PPP1R37: variants seen among roughly 807,000 people sequenced by gnomAD.
The protein encoded by PPP1R37 is leucine rich repeat containing 68.
A neutral mutation model predicts 61.0 loss-of-function variants in PPP1R37; 21 were observed. That is an observed-to-expected ratio of 0.34 (90% CI 0.24 to 0.50). The LOEUF is 0.50. Among genes scored for constraint, PPP1R37 ranks in the 20% least tolerant of loss-of-function variants. The pLI is 0.98. For synonymous variants in PPP1R37, 443 were observed against 433.5 expected (o/e 1.02, Z -0.27); for missense variants, 910 against 952.7 (o/e 0.96, Z 0.59).
intron 1 of PPP1R37, among the ~76,000 whole-genome samples, chr19:45,100,497 C>T (rs1366645594): frequency 6.6e-6 from 1 of 152,104 alleles, no homozygotes; most frequent in South Asian, 2.1e-4. Context: ...CCGTTTGCCC[C>T]AATTTGTAGA....
chr19:45,109,516 C>G (rs10412988), intron 1 of PPP1R37, among the ~76,000 whole-genome samples: 24,675 of 152,216 alleles, frequency 0.16, 2,180 homozygotes, highest in African/African-American at 0.2. Flanking sequence ...TTGCTGAGCA[C>G]CAGGCTGAGT....
chr19:45,145,597 AG>A lies in PPP1R37; in HGVS notation c.1543del (p.Glu515LysfsTer57). ...DSDSDSDSDG[E>X]EEEEEEGERD... is the part of the protein sequence containing the mutation. ...GACTCAGACTCGGACTCGGATGGGG[AG>A]GAAGAGGAGGAAGAGGAAGGGGAGA... On this transcript the variant is annotated frameshift_variant, in exon 11 of 13. Coordinates refer to ENST00000221462, the MANE Select transcript of PPP1R37 (RefSeq NM_019121.2). LOFTEE classifies it high-confidence loss of function. The A allele has an allele frequency of 6.5e-7, 1 of 1,535,378 alleles. No homozygotes were observed. The highest frequency in any genetic ancestry group is 8.7e-7 in the Non-Finnish European group (1 of 1,146,650).
At chr19:45,128,522 G>A in intron 1 of PPP1R37, 1 of 1,093,446 alleles carries the variant, frequency 9.1e-7, no homozygotes, top group Non-Finnish European at 1.3e-6. Flanking sequence ...GAGAAGACAA[G>A]GTTGAGTCAG....
In PPP1R37 at chr19:45,106,389, G is replaced by GCC. The variant is rs1330557797; in HGVS notation, c.202+12863_202+12864insCC. On this transcript the variant is annotated intron_variant, in intron 1 of 12. Transcript: ENST00000221462. ...CCCAAGTAGCTGGGATTATAGGCAT[G>GCC]CGCCACCATGCCCAGCTAATTTTTT... 3.3e-5 allele frequency among the ~76,000 whole-genome samples: 5 copies of GCC among 151,828 alleles called. No homozygotes were observed. In the East Asian group the frequency reaches 9.7e-4, roughly 29 times the overall value.
intron 1 of PPP1R37, among the ~76,000 whole-genome samples, chr19:45,108,069 A>T (rs1968155355): frequency 6.6e-6 from 1 of 152,170 alleles, no homozygotes; most frequent in Non-Finnish European, 1.5e-5. Flanking sequence ...GGTCAAAGGG[A>T]AGGAACATTG....
chr19:45,097,074 G>A (rs1968002098), intron 1 of PPP1R37, among the ~76,000 whole-genome samples: 1 of 152,048 alleles, frequency 6.6e-6, no homozygotes, highest in African/African-American at 2.4e-5. Context: ...GAGGTGGAGG[G>A]TTCGCCAGGG....
chr19:45,147,021 C>A lies in PPP1R37; in HGVS notation c.*459C>A. ...CAGAACAGCCCCAGACAGCGCAGGC[C>A]GGGCAGGGTGGGGGGATGGGAGCAG... On this transcript the variant is annotated 3_prime_UTR_variant, in exon 13 of 13. Transcript: ENST00000221462. The A allele has an allele frequency of 6.5e-6, 1 of 153,776 alleles. No homozygotes were observed. Among genetic ancestry groups the A allele is most frequent in the Non-Finnish European group, 1.4e-5 (1 of 69,306 alleles). 9.5% of individuals were successfully genotyped at this position (153,776 alleles called of 1,614,324 possible). A position where few individuals can be genotyped will look rare whatever the true frequency, so the allele number is the denominator to read the frequency against.
chr19:45,133,656 G>A (rs767002748), intron 1 of PPP1R37, among the ~76,000 whole-genome samples: 1 of 152,242 alleles, frequency 6.6e-6, no homozygotes, highest in Non-Finnish European at 1.5e-5. Context: ...TAGGGGTCCT[G>A]TGGCTATGCT....
chr19:45,097,266 TC>T (rs1968004332), intron 1 of PPP1R37, among the ~76,000 whole-genome samples: 1 of 151,366 alleles, frequency 6.6e-6, no homozygotes, highest in Non-Finnish European at 1.5e-5. Context: ...GAGCTGTGGA[TC>T]TAGTGGAAGG....
intron 1 of PPP1R37, among the ~76,000 whole-genome samples, chr19:45,107,509 TG>T (rs1968147571): frequency 6.6e-6 from 1 of 152,136 alleles, no homozygotes; most frequent in African/African-American, 2.4e-5. Flanking sequence ...GAGGCTAATG[TG>T]GGAGGATTGC....
In PPP1R37 at chr19:45,122,976, A is replaced by G. The variant is rs375065018; in HGVS notation, c.203-15538A>G. 1.2e-4 allele frequency among the ~76,000 whole-genome samples: 18 copies of G among 152,224 alleles called. No individual in the cohort carries two copies. The East Asian group carries it at 1.5e-3, about 13-fold the overall frequency. On this transcript the variant is annotated intron_variant, in intron 1 of 12. Coordinates refer to ENST00000221462, the MANE Select transcript of PPP1R37 (RefSeq NM_019121.2). ...GCATCAGGCAGCCTCCTGCACCTGCACTTTCTTCACAAAGTTCCCTCTGCC... is the reference window on the plus strand; with the variant it reads ...GCATCAGGCAGCCTCCTGCACCTGCGCTTTCTTCACAAAGTTCCCTCTGCC...
At position 45,146,792 on chromosome 19, in the gene PPP1R37, T is replaced by G. The variant is rs753112486; in HGVS notation, c.*230T>G. ...TTATGAGCCCAGCACTGGAAGACTC[T>G]GGGGGTGAATGGGAGGAGGGGGAGC... is the stretch of plus-strand genomic sequence containing the variant. On this transcript the variant is annotated 3_prime_UTR_variant, in exon 13 of 13. Transcript: ENST00000221462. 71 of 254,650 alleles carry G rather than the reference T, an allele frequency of 2.8e-4. No homozygotes were observed. The highest frequency in any genetic ancestry group is 2.1e-3 in the Admixed American group (41 of 19,826). 15.8% of individuals were successfully genotyped at this position (254,650 alleles called of 1,614,324 possible).
In PPP1R37 at chr19:45,145,820, C is replaced by G. The variant is rs1184859570; in HGVS notation, c.1764C>G (p.Thr588=). The change falls in exon 11 of 13, where the codon ACC becomes ACG. Residue 588 remains threonine, a synonymous_variant. Coordinates refer to ENST00000221462, the MANE Select transcript of PPP1R37 (RefSeq NM_019121.2). ...GGGCAGAGCCCCCTGCGTCCCCCAC[C>G]CCTCCCTCTCCCCCACCCCCTCCCT... ...PERAEPPASP[T]PPSPPPPPSP... is the part of the protein sequence containing the mutation. 7.1e-7 allele frequency: 1 copy of G among 1,404,630 alleles called. No individual in the cohort carries two copies. Among genetic ancestry groups the G allele is most frequent in the Non-Finnish European group, 9.4e-7 (1 of 1,066,896 alleles). 87.0% of individuals were successfully genotyped at this position (1,404,630 alleles called of 1,614,324 possible).
Position 45,100,954 on chromosome 19 carries a change from A to G in PPP1R37, c.202+7427A>G, listed in dbSNP as rs144990525. Among the ~76,000 whole-genome samples, 6 of 152,284 alleles carry G rather than the reference A, an allele frequency of 3.9e-5. No individual in the cohort carries two copies. The East Asian group carries it at 1.2e-3, about 29-fold the overall frequency. Reference sequence around the variant, plus strand: ...GTCTGGTATGTGATAGGCGCTCAATATATTCTTGCTGCGTGAGTGACTTGG... The same window carrying G: ...GTCTGGTATGTGATAGGCGCTCAATGTATTCTTGCTGCGTGAGTGACTTGG... On this transcript the variant is annotated intron_variant, in intron 1 of 12. Coordinates refer to ENST00000221462, the MANE Select transcript of PPP1R37 (RefSeq NM_019121.2).
intron 7 of PPP1R37, chr19:45,143,241 G>T: frequency 2.7e-6 from 1 of 368,302 alleles, no homozygotes. Context: ...TGGTGACTGT[G>T]GGTGGGAGTG....
At position 45,145,812 on chromosome 19, in the gene PPP1R37, T is replaced by TGGGGCG; in HGVS notation, c.1756_1757insGGGGCG (p.Ser586delinsTrpGlyAla). 8.1e-7 allele frequency: 1 copy of TGGGGCG among 1,227,588 alleles called. No individual in the cohort carries two copies. Among genetic ancestry groups the TGGGGCG allele is most frequent in the Non-Finnish European group, 1.1e-6 (1 of 922,068 alleles). The allele number at this position is 1,227,588 out of a possible 1,614,324, so 76.0% of individuals were successfully genotyped here. On this transcript the variant is annotated protein_altering_variant, in exon 11 of 13. Transcript: ENST00000221462. ...GCCCGAGAGGGCAGAGCCCCCTGCG[T>TGGGGCG]CCCCCACCCCTCCCTCTCCCCCACC...
At chr19:45,101,834 A>G (rs1444399167) in intron 1 of PPP1R37, among the ~76,000 whole-genome samples, 1 of 152,232 alleles carries the variant, frequency 6.6e-6, no homozygotes, top group Non-Finnish European at 1.5e-5. Context: ...AGGAGCCCGG[A>G]GGCTGTAGGC....
At chr19:45,146,298 C>CA in intron 11 of PPP1R37, 92 bp from the exon 12 acceptor site, 1 of 1,204,962 alleles carries the variant, frequency 8.3e-7, no homozygotes, top group Non-Finnish European at 1.2e-6. Flanking sequence ...GGGCACTCTG[C>CA]AGGCCCTGAG....
chr19:45,141,246 G>C, intron 4 of PPP1R37, 76 bp from the exon 5 acceptor site: 1 of 1,444,842 alleles, frequency 6.9e-7, no homozygotes, highest in Non-Finnish European at 9.1e-7. Context: ...TCTCGGTGGG[G>C]CCCGGTGTCA....
Sources: allele counts gnomAD v4.1 joint callset (sites outside exome capture counted in the v4.1 genomes callset), GRCh38; gene constraint gnomAD v4.1.1; transcripts MANE v1.5; gene names NCBI Gene and HGNC (gene_info 2026-07-23, HGNC 2026-07-21).